The following ADGRD1 variants were observed in gnomAD, a reference collection of about 807,000 sequenced individuals.
ADGRD1 encodes adhesion G protein-coupled receptor D1.
Under a neutral mutation model 113.4 loss-of-function variants are expected in ADGRD1, and 77 were observed. The ratio of observed to expected loss-of-function variants is 0.68; its 90% confidence interval spans 0.57 to 0.82. The LOEUF (loss-of-function observed/expected upper bound fraction) is 0.82, where lower values mean the gene tolerates loss of function less well. Among genes scored for constraint, ADGRD1 ranks in the 40% least tolerant of loss-of-function variants. ADGRD1 has a pLI of 0.00. For missense variants in ADGRD1, 1,036 were observed against 1,139.1 expected (o/e 0.91, Z 1.30); for synonymous variants, 474 against 475.0 (o/e 1.00, Z 0.03).
rs540249557 is a variant in ADGRD1, at chr12:131,002,271, A to T, written c.1027-914A>T. ...ACTGTCCAGACTCAGGCAGGGTCCA[A>T]TATGCATTAAAGAGAATGCATGAAT... On this transcript the variant is annotated intron_variant, in intron 9 of 24. Transcript: ENST00000261654. Among the ~76,000 whole-genome samples the T allele has an allele frequency of 2.0e-5, 3 of 152,376 alleles. No homozygotes were observed. In the East Asian group the frequency reaches 5.8e-4, roughly 29 times the overall value.
chr12:131,078,118 G>A (rs1490166716), intron 14 of ADGRD1, among the ~76,000 whole-genome samples: 3 of 152,196 alleles, frequency 2.0e-5, no homozygotes, highest in African/African-American at 4.8e-5. Flanking sequence ...CACACAGGCT[G>A]TGCCACCTCT....
Position 131,096,020 on chromosome 12 carries a change from G to A in ADGRD1, c.1672-8811G>A, listed in dbSNP as rs1031632187. ...GCCTCCCAGCCCTGCCCAGAGCAGC[G>A]GCTTAGGGTCACGGCCACCATTCCT... On this transcript the variant is annotated intron_variant, in intron 15 of 24. Transcript: ENST00000261654. This position sits in a 1 kb window ranked among gnomAD's most constrained non-coding sequence, Gnocchi z 5.2. 1.1e-5 allele frequency among the ~76,000 whole-genome samples: 1 copy of A among 87,982 alleles called. No individual in the cohort carries two copies. Among genetic ancestry groups the A allele is most frequent in the Non-Finnish European group, 2.5e-5 (1 of 40,776 alleles). The allele number at this position is 87,982 out of a possible 152,430, so 57.7% of individuals were successfully genotyped here.
chr12:131,080,487 T>A (rs959808154), intron 14 of ADGRD1, among the ~76,000 whole-genome samples: 1 of 152,252 alleles, frequency 6.6e-6, no homozygotes, highest in Non-Finnish European at 1.5e-5. Context: ...ACCAAGTCGA[T>A]TGATAGTTAA....
intron 13 of ADGRD1, among the ~76,000 whole-genome samples, chr12:131,046,171 TCCTGGTCAATGCTCCCTC>T (rs1566061522): frequency 3.5e-4 from 4 of 11,308 alleles, no homozygotes; most frequent in Non-Finnish European, 1.1e-3. Flanking sequence ...TCAGTGTCCT[TCCTGGTCAATGCTCCCTC>T]CCTGGTCAGT....
At chr12:131,123,164 C>T (rs957183378) in intron 20 of ADGRD1, among the ~76,000 whole-genome samples, 1 of 141,728 alleles carries the variant, frequency 7.1e-6, no homozygotes, top group African/African-American at 2.6e-5. Context: ...TCAAGCAATT[C>T]TCTTGCCTCA....
intron 7 of ADGRD1, 55 bp downstream of exon 7, chr12:130,991,133 G>T: frequency 6.9e-7 from 1 of 1,448,578 alleles, no homozygotes; most frequent in Non-Finnish European, 9.7e-7. Flanking sequence ...TGCTTGGGCT[G>T]TTTGCTGGGA....
chr12:131,099,484 C>T (rs2137295694), intron 15 of ADGRD1, among the ~76,000 whole-genome samples: 1 of 152,344 alleles, frequency 6.6e-6, no homozygotes, highest in Non-Finnish European at 1.5e-5. Flanking sequence ...AGATTGTCAC[C>T]TTCTGCCTCA....
Position 131,094,770 on chromosome 12 carries a change from G to C in ADGRD1, c.1672-10061G>C, listed in dbSNP as rs185410136. On this transcript the variant is annotated intron_variant, in intron 15 of 24. Coordinates refer to ENST00000261654, the MANE Select transcript of ADGRD1 (RefSeq NM_198827.5). ...CAAAGCCTGCTGGGTCCTTCTGCAT[G>C]GGCTCCTTACCATTCCACCAGCAAG... Among the ~76,000 whole-genome samples the C allele has an allele frequency of 4.7e-3, 711 of 152,350 alleles. 4 individuals are homozygous for C. The highest frequency in any genetic ancestry group is 6.9e-3 in the Non-Finnish European group (470 of 68,020).
At chr12:131,137,963 C>T in intron 23 of ADGRD1, 174 bp from the exon 24 acceptor site, 1 of 619,958 alleles carries the variant, frequency 1.6e-6, no homozygotes, top group East Asian at 2.8e-5. Context: ...CCTGGCTCTG[C>T]CCCACAGAGC....
chr12:130,996,846 C>A (rs1307024053), intron 8 of ADGRD1, among the ~76,000 whole-genome samples: 5 of 121,090 alleles, frequency 4.1e-5, no homozygotes, highest in African/African-American at 1.6e-4. Context: ...GACCCCCCCA[C>A]CTCCCTCCCG....
rs1873024630 is a variant in ADGRD1, at chr12:130,981,796, G to A, written c.311-88G>A. On this transcript the variant is annotated intron_variant, in intron 4 of 24. Transcript: ENST00000261654. Reference sequence around the variant, plus strand: ...AATGGGGACAAAATGCTTTTCGAATGAAAAATAAAAAGCAAAGAGAACCAT... The same window carrying A: ...AATGGGGACAAAATGCTTTTCGAATAAAAAATAAAAAGCAAAGAGAACCAT... 3.3e-6 allele frequency: 3 copies of A among 897,660 alleles called. No homozygotes were observed. In the East Asian group the frequency reaches 7.3e-5, roughly 22 times the overall value. The allele number at this position is 897,660 out of a possible 1,614,324, so 55.6% of individuals were successfully genotyped here.
intron 8 of ADGRD1, among the ~76,000 whole-genome samples, chr12:130,998,188 GGGGAGA>G (rs1875863828): frequency 6.6e-6 from 1 of 151,990 alleles, no homozygotes; most frequent in Non-Finnish European, 1.5e-5. Flanking sequence ...GGGAGACCGT[GGGGAGA>G]GGGAGGGGGA....
At chr12:131,104,331 G>A (rs1038671792) in intron 15 of ADGRD1, among the ~76,000 whole-genome samples, 4 of 152,194 alleles carry the variant, frequency 2.6e-5, no homozygotes, top group Non-Finnish European at 4.4e-5. Flanking sequence ...TTCCCTAGCT[G>A]CTCCAGCACT....
chr12:131,111,655 T>G (rs1950349963), intron 18 of ADGRD1, among the ~76,000 whole-genome samples: 1 of 152,140 alleles, frequency 6.6e-6, no homozygotes, highest in Non-Finnish European at 1.5e-5. Context: ...AATCTTTCTT[T>G]ATCTCTCTTC....
At chr12:131,056,967 C>G (rs1204334886) in intron 13 of ADGRD1, among the ~76,000 whole-genome samples, 3 of 152,130 alleles carry the variant, frequency 2.0e-5, no homozygotes, top group Admixed American at 6.5e-5. Flanking sequence ...TGCCGTGGGT[C>G]TTGGACTCAC....
rs71095334 is a variant in ADGRD1 at position 131,101,377 on chromosome 12, CTTTTTTT to C, written c.1672-3433_1672-3427del. Among the ~76,000 whole-genome samples the C allele has an allele frequency of 9.4e-4, 34 of 36,138 alleles. No homozygotes were observed. In the South Asian group the frequency reaches 0.018, roughly 19 times the overall value. The allele number at this position is 36,138 out of a possible 152,430, so 23.7% of individuals were successfully genotyped here. A position where few individuals can be genotyped will look rare whatever the true frequency, so the allele number is the denominator to read the frequency against. ...TTATTTTTTTTCTTTTTCTTTCTTT[CTTTTTTT>C]TTTTTTTTTTTTTTTTTTTTGAGAT... On this transcript the variant is annotated intron_variant, in intron 15 of 24. Transcript: ENST00000261654.
At chr12:131,097,994 C>G (rs895837157) in intron 15 of ADGRD1, among the ~76,000 whole-genome samples, 2 of 152,228 alleles carry the variant, frequency 1.3e-5, no homozygotes, top group Non-Finnish European at 2.9e-5. Context: ...GCATGGGCGT[C>G]CCCCTGTGGC....
Position 130,980,354 on chromosome 12 carries a change from T to A in ADGRD1, c.311-1530T>A, listed in dbSNP as rs1312724483. ...CTCCTGACCTCATGATCCACCCGCC[T>A]CGGCCTCCCTAAGTGCTGGGATTAC... On this transcript the variant is annotated intron_variant, in intron 4 of 24. Coordinates refer to ENST00000261654, the MANE Select transcript of ADGRD1 (RefSeq NM_198827.5). Among the ~76,000 whole-genome samples, 3 of 151,978 alleles carry A rather than the reference T, an allele frequency of 2.0e-5. No individual in the cohort carries two copies. The East Asian group carries it at 5.8e-4, about 29-fold the overall frequency.
At chr12:131,028,574 C>T (rs891174787) in intron 13 of ADGRD1, among the ~76,000 whole-genome samples, 6 of 152,166 alleles carry the variant, frequency 3.9e-5, no homozygotes, top group South Asian at 2.1e-4. Context: ...TTTTCACTTT[C>T]GTGTTTGGGC....
Sources: gnomAD v4.1 joint callset for allele counts (sites outside exome capture counted in the v4.1 genomes callset) on GRCh38, gnomAD v4.1.1 for gene constraint, Gnocchi (gnomAD v3.1) non-coding constraint, MANE v1.5 for transcripts, NCBI Gene and HGNC (gene_info 2026-07-23, HGNC 2026-07-21) for gene names.